The following POMGNT2 variants were observed in gnomAD, a reference collection of about 807,000 sequenced individuals.
The protein encoded by POMGNT2 is protein O-linked mannose N-acetylglucosaminyltransferase 2 (beta 1,4-), also known as protein O-linked-mannose beta-1,4-N-acetylglucosaminyltransferase 2.
A neutral mutation model predicts 37.8 loss-of-function variants in POMGNT2; 32 were observed. That is an observed-to-expected ratio of 0.85 (90% CI 0.64 to 1.14). The LOEUF is 1.14. Ranked by LOEUF, POMGNT2 falls within the 50% of genes most tolerant of loss-of-function variation. The probability of loss-of-function intolerance (pLI) is 0.00; values close to 1 mark genes in which losing one functional copy is unlikely to be tolerated. For missense variants in POMGNT2, 705 were observed against 780.6 expected (o/e 0.90, Z 1.15); for synonymous variants, 340 against 336.8 (o/e 1.01, Z -0.10).
chr3:43,092,869 T>C (rs2089953992), intron 1 of POMGNT2, among the ~76,000 whole-genome samples: 1 of 152,152 alleles, frequency 6.6e-6, no homozygotes, highest in Non-Finnish European at 1.5e-5. Flanking sequence ...AAATCGATAT[T>C]CAGGAAAAAC....
chr3:43,084,995 A>G (rs970457420), intron 1 of POMGNT2, among the ~76,000 whole-genome samples: 4 of 147,458 alleles, frequency 2.7e-5, no homozygotes, highest in Non-Finnish European at 6.0e-5. Context: ...GGTGGGGGAA[A>G]GGAGAGCATT....
rs1396930042 is a variant in POMGNT2 at position 43,079,818 on chromosome 3, G to A, written c.1614C>T (p.Ile538=). ...TGAAGGTGTGGTTCTGCAGAGCCAG[G>A]ATGTAAGGCACGTAGGTGTTCTCCC... ...EQGENTYVPY[I]LALQNHTFTE... Residue 538 remains isoleucine, a synonymous_variant, in exon 2 of 2, where the codon ATC becomes ATT. Transcript: ENST00000344697. 6.2e-7 allele frequency: 1 copy of A among 1,614,234 alleles called. No individual in the cohort carries two copies. The highest frequency in any genetic ancestry group is 2.2e-5 in the East Asian group (1 of 44,874).
intron 1 of POMGNT2, among the ~76,000 whole-genome samples, chr3:43,094,669 G>T (rs548800869): frequency 1.3e-5 from 2 of 152,310 alleles, no homozygotes; most frequent in Admixed American, 1.3e-4. Flanking sequence ...CCAGGGCACT[G>T]GCGACAAAGG....
At chr3:43,089,009 CT>C (rs2089921147) in intron 1 of POMGNT2, among the ~76,000 whole-genome samples, 1 of 152,208 alleles carries the variant, frequency 6.6e-6, no homozygotes, top group African/African-American at 2.4e-5. Flanking sequence ...GCTCTGTGCT[CT>C]AGCTTAGGGG....
Position 43,091,980 on chromosome 3 carries a change from A to G in POMGNT2, c.-105-10444T>C, listed in dbSNP as rs545745610. ...GGCTAAGGTCATAAAAGACAAGGGAAGATGGAGGAGCTGCCTCAGATCGGA... is the reference window on the plus strand; with the variant it reads ...GGCTAAGGTCATAAAAGACAAGGGAGGATGGAGGAGCTGCCTCAGATCGGA... On this transcript the variant is annotated intron_variant, in intron 1 of 1. Transcript: ENST00000344697. Among the ~76,000 whole-genome samples, 3 of 152,370 alleles carry G rather than the reference A, an allele frequency of 2.0e-5. No homozygotes were observed. The South Asian group carries it at 6.2e-4, about 32-fold the overall frequency.
At chr3:43,100,778 T>C (rs1457432617) in intron 1 of POMGNT2, among the ~76,000 whole-genome samples, 1 of 152,224 alleles carries the variant, frequency 6.6e-6, no homozygotes. Context: ...ACTTATGATC[T>C]TGACAATTTT....
In POMGNT2 at chr3:43,079,497, G is replaced by T; in HGVS notation, c.*192C>A. 1.8e-6 allele frequency: 1 copy of T among 557,586 alleles called. No homozygotes were observed. The highest frequency in any genetic ancestry group is 3.1e-6 in the Non-Finnish European group (1 of 320,236). The allele number at this position is 557,586 out of a possible 1,614,324, so 34.5% of individuals were successfully genotyped here. A position where few individuals can be genotyped will look rare whatever the true frequency, so the allele number is the denominator to read the frequency against. On this transcript the variant is annotated 3_prime_UTR_variant, in exon 2 of 2. Coordinates refer to ENST00000344697, the MANE Select transcript of POMGNT2 (RefSeq NM_032806.6). ...GGTACAAATGTTCAGGATGGGAGAA[G>T]GGGAAGTCAGGTCCCTTATCTCTAG...
intron 1 of POMGNT2, among the ~76,000 whole-genome samples, chr3:43,083,701 T>C (rs542856975): frequency 6.0e-4 from 92 of 152,344 alleles, no homozygotes; most frequent in African/African-American, 2.2e-3. Context: ...GTGTTTCCTC[T>C]ACATATAATG....
At chr3:43,090,510 C>T (rs2089934629) in intron 1 of POMGNT2, 1 of 152,116 alleles carries the variant, frequency 6.6e-6, no homozygotes, top group Admixed American at 6.5e-5. Context: ...ATGGTATGGA[C>T]AGTTCTTCTC....
At chr3:43,083,417 T>C (rs961995938) in intron 1 of POMGNT2, among the ~76,000 whole-genome samples, 1 of 152,232 alleles carries the variant, frequency 6.6e-6, no homozygotes, top group Non-Finnish European at 1.5e-5. Flanking sequence ...CAGGCACCAG[T>C]CCTGGAGGTT....
At chr3:43,083,754 T>TG (rs2089874356) in intron 1 of POMGNT2, among the ~76,000 whole-genome samples, 1 of 152,248 alleles carries the variant, frequency 6.6e-6, no homozygotes, top group Admixed American at 6.5e-5. Context: ...CTGTCAAGTA[T>TG]GATTTCCTCA....
chr3:43,094,449 T>C (rs1037507517), intron 1 of POMGNT2, among the ~76,000 whole-genome samples: 1 of 152,234 alleles, frequency 6.6e-6, no homozygotes, highest in Non-Finnish European at 1.5e-5. Flanking sequence ...TATCACAGCC[T>C]GGAGAGGCTG....
At chr3:43,087,494 C>A (rs1285549616) in intron 1 of POMGNT2, 1 of 152,286 alleles carries the variant, frequency 6.6e-6, no homozygotes, top group African/African-American at 2.4e-5. Flanking sequence ...CAGCAGGTCA[C>A]CAGCAGGCCC....
chr3:43,105,689 A>C lies in POMGNT2; in HGVS notation c.-106+147T>G, dbSNP rs12233414. The C allele has an allele frequency of 0.95, 143,616 of 151,272 alleles. 68,638 individuals are homozygous for C. The highest frequency in any genetic ancestry group is 1 in the East Asian group (4,982 of 4,982). The allele number at this position is 151,272 out of a possible 1,614,324, so 9.4% of individuals were successfully genotyped here. A position where few individuals can be genotyped will look rare whatever the true frequency, so the allele number is the denominator to read the frequency against. On this transcript the variant is annotated intron_variant, in intron 1 of 1. Coordinates refer to ENST00000344697, the MANE Select transcript of POMGNT2 (RefSeq NM_032806.6). The stretch of plus-strand genomic sequence containing the variant: ...CCCTCAGTTCTGCAAACTCTCCTGG[A>C]TCCCGAAGGCGTCCTAGAACCTCCC...
chr3:43,089,067 A>C (rs2089921550), intron 1 of POMGNT2, among the ~76,000 whole-genome samples: 1 of 152,192 alleles, frequency 6.6e-6, no homozygotes, highest in Non-Finnish European at 1.5e-5. Flanking sequence ...AACTTGGGTA[A>C]ATGAAGCCCC....
rs2089993751 is a variant in POMGNT2, at chr3:43,098,270, T to C, written c.-106+7566A>G. Among the ~76,000 whole-genome samples the C allele has an allele frequency of 6.6e-6, 1 of 152,188 alleles. No homozygotes were observed. Among genetic ancestry groups the C allele is most frequent in the Non-Finnish European group, 1.5e-5 (1 of 68,022 alleles). On this transcript the variant is annotated intron_variant, in intron 1 of 1. Transcript: ENST00000344697. This position sits in a 1 kb window ranked among gnomAD's most constrained non-coding sequence, Gnocchi z 4.3. ...TGGAAGCTTTCAGTCCTGTATTGAT[T>C]TGTTGTCTTACATGTTGTAAATTAG...
intron 1 of POMGNT2, among the ~76,000 whole-genome samples, chr3:43,096,370 G>A (rs2089980018): frequency 6.6e-6 from 1 of 152,130 alleles, no homozygotes; most frequent in African/African-American, 2.4e-5. Flanking sequence ...TATGTTCCAG[G>A]CAGTATACTG....
chr3:43,087,804 G>C (rs2089910198), intron 1 of POMGNT2: 1 of 152,208 alleles, frequency 6.6e-6, no homozygotes, highest in Non-Finnish European at 1.5e-5. Flanking sequence ...ATGCATTACT[G>C]GTTGCAGGTA....
intron 1 of POMGNT2, among the ~76,000 whole-genome samples, chr3:43,082,913 C>T (rs1359822782): frequency 6.6e-6 from 1 of 152,092 alleles, no homozygotes; most frequent in Non-Finnish European, 1.5e-5. Flanking sequence ...AGAGAAGGGA[C>T]CAAAGCCAAC....
Sources: allele counts gnomAD v4.1 joint callset (sites outside exome capture counted in the v4.1 genomes callset), GRCh38; gene constraint gnomAD v4.1.1; non-coding constraint Gnocchi (gnomAD v3.1); transcripts MANE v1.5; gene names NCBI Gene and HGNC (gene_info 2026-07-23, HGNC 2026-07-21).